The following ACOXL variants were observed in gnomAD, a reference collection of about 807,000 sequenced individuals.
The protein encoded by ACOXL is acyl-coenzyme A oxidase-like protein.
Under a neutral mutation model 71.9 loss-of-function variants are expected in ACOXL, and 70 were observed. The observed-to-expected ratio is 0.97, with a 90% CI of 0.80 to 1.19. The LOEUF (loss-of-function observed/expected upper bound fraction) is 1.19. Ranked by LOEUF, ACOXL falls within the 50% of genes most tolerant of loss-of-function variation. The pLI, the probability that ACOXL is intolerant of heterozygous loss-of-function variation, is 0.00. For missense variants in ACOXL, 703 were observed against 736.3 expected (o/e 0.95, Z 0.52); for synonymous variants, 253 against 281.6 (o/e 0.90, Z 1.02).
chr2:110,818,419 ATATATG>A (rs1688189915), intron 9 of ACOXL, among the ~76,000 whole-genome samples: 5 of 141,714 alleles, frequency 3.5e-5, no homozygotes, highest in Admixed American at 2.1e-4. Flanking sequence ...ACATATATAT[ATATATG>A]TGTGTGTGTG....
chr2:110,939,060 T>C (rs2060773596), intron 12 of ACOXL, among the ~76,000 whole-genome samples: 1 of 152,222 alleles, frequency 6.6e-6, no homozygotes, highest in Admixed American at 6.5e-5. Flanking sequence ...TGAGAAATTA[T>C]TGTAAAATTT....
chr2:110,867,642 G>A (rs1694768966), intron 10 of ACOXL, among the ~76,000 whole-genome samples: 1 of 152,196 alleles, frequency 6.6e-6, no homozygotes, highest in East Asian at 1.9e-4. Context: ...GGACTGGAGG[G>A]CCAATAAGGA....
chr2:110,736,504 T>G (rs1676859193), intron 1 of ACOXL, among the ~76,000 whole-genome samples: 1 of 152,256 alleles, frequency 6.6e-6, no homozygotes, highest in African/African-American at 2.4e-5. Flanking sequence ...ACTGGCTTAC[T>G]TCACTCAGTA....
chr2:110,982,304 G>A (rs879540687), intron 12 of ACOXL, among the ~76,000 whole-genome samples: 7 of 152,126 alleles, frequency 4.6e-5, no homozygotes, highest in South Asian at 2.1e-4. Context: ...CTGCTTACTT[G>A]TTGGTTTCTG....
intron 1 of ACOXL, among the ~76,000 whole-genome samples, chr2:110,760,553 T>C (rs965478721): frequency 5.9e-5 from 9 of 152,232 alleles, no homozygotes; most frequent in Non-Finnish European, 1.3e-4. Flanking sequence ...TTAACTGAAC[T>C]CATTCATGTA....
At chr2:110,793,807 T>C in intron 4 of ACOXL, 71 bp downstream of exon 4, 1 of 1,180,732 alleles carries the variant, frequency 8.5e-7, no homozygotes, top group Non-Finnish European at 1.2e-6. Flanking sequence ...GATATGCATG[T>C]GTGTATGTGT....
chr2:110,939,592 C>T (rs1162524569), intron 12 of ACOXL, among the ~76,000 whole-genome samples: 6 of 152,204 alleles, frequency 3.9e-5, no homozygotes, highest in African/African-American at 1.4e-4. Flanking sequence ...ATAAACAACA[C>T]TATAGAAAAC....
At chr2:110,904,459 C>T (rs1241845278) in intron 10 of ACOXL, among the ~76,000 whole-genome samples, 3 of 152,172 alleles carry the variant, frequency 2.0e-5, no homozygotes, top group African/African-American at 7.2e-5. Flanking sequence ...CTCTGTCTTT[C>T]CTGGGTGCAT....
chr2:110,786,011 C>G (rs1683911819), intron 3 of ACOXL, among the ~76,000 whole-genome samples: 1 of 152,186 alleles, frequency 6.6e-6, no homozygotes, highest in Non-Finnish European at 1.5e-5. Context: ...AATTATCTTG[C>G]ATGTTCCTGC....
chr2:110,945,812 C>T (rs573549100), intron 12 of ACOXL, among the ~76,000 whole-genome samples: 1 of 150,566 alleles, frequency 6.6e-6, no homozygotes, highest in Admixed American at 6.6e-5. Flanking sequence ...CTTAGGATTG[C>T]CTTAGCTATT....
chr2:110,973,482 A>G (rs1400521522), intron 12 of ACOXL, among the ~76,000 whole-genome samples: 1 of 152,216 alleles, frequency 6.6e-6, no homozygotes, highest in African/African-American at 2.4e-5. Flanking sequence ...AGACTCAGCA[A>G]GAAAGTGCCA....
chr2:110,752,747 CTG>C (rs1378944176), intron 1 of ACOXL, among the ~76,000 whole-genome samples: 1 of 152,010 alleles, frequency 6.6e-6, no homozygotes, highest in East Asian at 1.9e-4. Context: ...CATGACACTA[CTG>C]TGTGTATTAG....
At chr2:110,888,376 T>G (rs143009726) in intron 10 of ACOXL, among the ~76,000 whole-genome samples, 1 of 152,302 alleles carries the variant, frequency 6.6e-6, no homozygotes, top group African/African-American at 2.4e-5. Context: ...CTCAAAGGAT[T>G]ATTTACTGCT....
chr2:110,750,736 G>C (rs1372131567), intron 1 of ACOXL, among the ~76,000 whole-genome samples: 1 of 150,604 alleles, frequency 6.6e-6, no homozygotes, highest in Non-Finnish European at 1.5e-5. Flanking sequence ...TTGCTCTGTT[G>C]CTCAGGCTGG....
chr2:111,096,638 T>C (rs1298889906), intron 17 of ACOXL, among the ~76,000 whole-genome samples: 1 of 152,272 alleles, frequency 6.6e-6, no homozygotes, highest in Non-Finnish European at 1.5e-5. Flanking sequence ...AGTCTGTAGC[T>C]AATAATTCCG....
intron 2 of ACOXL, among the ~76,000 whole-genome samples, chr2:110,776,849 G>A (rs772470725): frequency 4.2e-4 from 64 of 151,922 alleles, no homozygotes; most frequent in Admixed American, 8.5e-4. Context: ...CTATATGAGA[G>A]GCAGGACTGC....
At chr2:111,058,293 A>G (rs1240201590) in intron 16 of ACOXL, among the ~76,000 whole-genome samples, 1 of 152,206 alleles carries the variant, frequency 6.6e-6, no homozygotes, top group African/African-American at 2.4e-5. Flanking sequence ...TGCCAAGAGC[A>G]CGGAGAAATT....
intron 14 of ACOXL, among the ~76,000 whole-genome samples, chr2:111,010,038 C>T: frequency 6.6e-6 from 1 of 152,090 alleles, no homozygotes. Flanking sequence ...GGGTCAGTAT[C>T]ATTATAGTGT....
intron 14 of ACOXL, among the ~76,000 whole-genome samples, chr2:111,020,305 G>A (rs958769024): frequency 1.3e-5 from 2 of 152,216 alleles, no homozygotes; most frequent in African/African-American, 4.8e-5. Context: ...TCCTGCCCCA[G>A]TCAGAGCAGC....
Sources: allele counts gnomAD v4.1 joint callset (sites outside exome capture counted in the v4.1 genomes callset), GRCh38; gene constraint gnomAD v4.1.1; transcripts MANE v1.5; gene names NCBI Gene and HGNC (gene_info 2026-07-23, HGNC 2026-07-21).